Variants in TUBGCP3 observed in about 807,000 individuals in gnomAD.
TUBGCP3 encodes the protein gamma-tubulin complex component 3.
A neutral mutation model predicts 123.1 loss-of-function variants in TUBGCP3; 50 were observed. The observed-to-expected ratio is 0.41, with a 90% CI of 0.32 to 0.51. The LOEUF (loss-of-function observed/expected upper bound fraction) is 0.51, where lower values mean the gene tolerates loss of function less well. Ranked by LOEUF, TUBGCP3 falls within the 20% of genes least tolerant of loss-of-function variation. TUBGCP3 has a pLI of 0.36. For synonymous variants in TUBGCP3, 405 were observed against 413.9 expected, an observed-to-expected ratio of 0.98 and a Z score of 0.26; for missense variants, 882 against 1,127.0, an observed-to-expected ratio of 0.78 and a Z score of 3.11.
chr13:112,519,305 C>T lies in TUBGCP3; in HGVS notation c.1882-262G>A, dbSNP rs1876419571. 6.6e-6 allele frequency among the ~76,000 whole-genome samples: 1 copy of T among 152,226 alleles called. No homozygotes were observed. Among genetic ancestry groups the T allele is most frequent in the African/African-American group, 2.4e-5 (1 of 41,466 alleles). On this transcript the variant is annotated intron_variant, in intron 15 of 21. Transcript: ENST00000261965. The surrounding 1 kb of genome is among the most constrained non-coding windows in gnomAD (Gnocchi z 6.2). ...TGCGTTTAAAATTCATCACCATTTG[C>T]TTACGACGAAAACCCACTGCCTCTA...
At chr13:112,503,902 A>T in intron 19 of TUBGCP3, 130 bp downstream of exon 19, 1 of 1,221,568 alleles carries the variant, frequency 8.2e-7, no homozygotes, top group Non-Finnish European at 1.1e-6. Flanking sequence ...GTAAACTTTT[A>T]ATAAAATTAT....
chr13:112,575,573 C>G (rs1347911555), intron 1 of TUBGCP3, among the ~76,000 whole-genome samples: 1 of 152,186 alleles, frequency 6.6e-6, no homozygotes, highest in Admixed American at 6.5e-5. Flanking sequence ...GCAAGGATAT[C>G]AACTTGAACA....
chr13:112,566,033 T>C (rs1012542202), intron 2 of TUBGCP3, among the ~76,000 whole-genome samples: 2 of 152,216 alleles, frequency 1.3e-5, no homozygotes, highest in Admixed American at 6.5e-5. Flanking sequence ...AGCTTATTAA[T>C]TTTCATCCAC....
intron 11 of TUBGCP3, among the ~76,000 whole-genome samples, chr13:112,540,912 C>T (rs1200722254): frequency 6.6e-6 from 1 of 152,180 alleles, no homozygotes; most frequent in African/African-American, 2.4e-5. Flanking sequence ...AATAGACATG[C>T]ATTATTTTAT....
intron 19 of TUBGCP3, among the ~76,000 whole-genome samples, chr13:112,499,609 C>T (rs1294725488): frequency 2.0e-5 from 3 of 150,934 alleles, no homozygotes; most frequent in Non-Finnish European, 4.4e-5. Flanking sequence ...TTAGATATAG[C>T]AAAAGCAGGT....
intron 10 of TUBGCP3, 103 bp downstream of exon 10, chr13:112,547,517 A>C: frequency 3.0e-6 from 4 of 1,346,426 alleles, no homozygotes; most frequent in Non-Finnish European, 3.9e-6. Context: ...CGTGGGAAAG[A>C]CGCGCGTGGG....
intron 11 of TUBGCP3, among the ~76,000 whole-genome samples, chr13:112,533,104 G>C (rs2139115162): frequency 6.6e-6 from 1 of 152,352 alleles, no homozygotes; most frequent in South Asian, 2.1e-4. Flanking sequence ...GAAGACAGGA[G>C]AAAGCCTTCA....
intron 11 of TUBGCP3, among the ~76,000 whole-genome samples, chr13:112,530,012 A>G (rs545432999): frequency 2.4e-4 from 37 of 152,356 alleles, no homozygotes; most frequent in African/African-American, 8.4e-4. Context: ...AACTGGAAAT[A>G]TAAAATGCTA....
At chr13:112,517,053 G>A (rs191163249) in intron 16 of TUBGCP3, among the ~76,000 whole-genome samples, 189 of 152,148 alleles carry the variant, frequency 1.2e-3, no homozygotes, top group East Asian at 8.1e-3. Flanking sequence ...GTCTCACTCC[G>A]TCACCCAGGC....
At chr13:112,546,779 GTTTA>G (rs925109760) in intron 10 of TUBGCP3, 2 of 152,182 alleles carry the variant, frequency 1.3e-5, no homozygotes, top group African/African-American at 4.8e-5. Context: ...AAACGCTGGC[GTTTA>G]TTTACTGTGC....
In TUBGCP3 at chr13:112,524,358, G is replaced by A. The variant is rs1292440139; in HGVS notation, c.1556-1849C>T. Among the ~76,000 whole-genome samples the A allele has an allele frequency of 2.6e-5, 4 of 152,110 alleles. No individual in the cohort carries two copies. Among genetic ancestry groups the A allele is most frequent in the African/African-American group, 9.7e-5 (4 of 41,416 alleles). On this transcript the variant is annotated intron_variant, in intron 13 of 21. Transcript: ENST00000261965. This position sits in a 1 kb window ranked among gnomAD's most constrained non-coding sequence, Gnocchi z 4.4. ...ATGTGGGGCGGTGGGTACAGGGGCC[G>A]CCAGCAGCACAGCAGACGCGGTGCT... is the stretch of plus-strand genomic sequence containing the variant.
chr13:112,566,022 T>C (rs1880932897), intron 2 of TUBGCP3, among the ~76,000 whole-genome samples: 1 of 152,146 alleles, frequency 6.6e-6, no homozygotes, highest in South Asian at 2.1e-4. Context: ...AAATTCAAAA[T>C]AGCTTATTAA....
At chr13:112,586,140 G>A (rs889022683) in intron 1 of TUBGCP3, among the ~76,000 whole-genome samples, 51 of 151,978 alleles carry the variant, frequency 3.4e-4, no homozygotes, top group Admixed American at 3.0e-3. Context: ...TCGGGAGGCT[G>A]AGGCAGGAGA....
intron 1 of TUBGCP3, among the ~76,000 whole-genome samples, chr13:112,582,910 A>G (rs1401647178): frequency 6.6e-6 from 1 of 152,210 alleles, no homozygotes; most frequent in Non-Finnish European, 1.5e-5. Flanking sequence ...TAAACACAAG[A>G]GCGGATAGAG....
chr13:112,536,687 C>A (rs906171309), intron 11 of TUBGCP3, among the ~76,000 whole-genome samples: 1 of 152,202 alleles, frequency 6.6e-6, no homozygotes, highest in African/African-American at 2.4e-5. Flanking sequence ...GCTATACATA[C>A]ACCTCTCTAC....
At chr13:112,587,098 C>T (rs1882660024) in intron 1 of TUBGCP3, 1 of 152,114 alleles carries the variant, frequency 6.6e-6, no homozygotes, top group Admixed American at 6.5e-5. Flanking sequence ...CAGTTGCTTC[C>T]ATTACTCAGA....
chr13:112,601,680 A>G, the TUBGCP3 span, among the ~76,000 whole-genome samples: 7 of 152,200 alleles, frequency 4.6e-5, no homozygotes, highest in Admixed American at 3.9e-4. Context: ...ATCCCCAGCC[A>G]TGTGAGGTGA....
At chr13:112,560,238 G>A (rs1032873316) in intron 3 of TUBGCP3, among the ~76,000 whole-genome samples, 64 of 151,138 alleles carry the variant, frequency 4.2e-4, no homozygotes, top group African/African-American at 1.4e-3. Context: ...AGACCATCCC[G>A]GCTAAAACGG....
At chr13:112,527,101 G>A (rs9603905) in intron 12 of TUBGCP3, 51 bp from the exon 13 acceptor site, 231,753 of 1,432,782 alleles carry the variant, frequency 0.16, 20,271 homozygotes, top group Middle Eastern at 0.21. Context: ...TAAAACGACT[G>A]CCCAAATCTA....
Sources: allele counts gnomAD v4.1 joint callset (sites outside exome capture counted in the v4.1 genomes callset), GRCh38; gene constraint gnomAD v4.1.1; non-coding constraint Gnocchi (gnomAD v3.1); transcripts MANE v1.5; gene names NCBI Gene and HGNC (gene_info 2026-07-23, HGNC 2026-07-21).